The following CENPO variants were observed in gnomAD, a reference collection of about 807,000 sequenced individuals.
CENPO encodes the protein centromere protein O.
CENPO carries 30 observed loss-of-function variants against 36.1 expected under a neutral mutation model. The ratio of observed to expected loss-of-function variants is 0.83; its 90% CI spans 0.62 to 1.13. The LOEUF is 1.13. Ranked by LOEUF, CENPO falls within the 50% of genes most tolerant of loss-of-function variation. The probability of loss-of-function intolerance (pLI) is 0.00; values close to 1 mark genes in which losing one functional copy is unlikely to be tolerated. For synonymous variants in CENPO, 171 were observed against 142.3 expected (o/e 1.20, Z -1.44); for missense variants, 349 against 357.8 (o/e 0.98, Z 0.20).
At position 24,799,786 on chromosome 2, in the gene CENPO, A is replaced by G. The variant is rs1666080105; in HGVS notation, c.158A>G (p.His53Arg). Residue 53 changes from histidine to arginine, a missense_variant, in exon 3 of 8, where the codon CAT (histidine) becomes CGT (arginine). Transcript: ENST00000380834. ...GAAGGTGCTCTTGGAACCAAGATTC[A>G]TAAACTAAGGCGTCTGCGAGATGAG... is the stretch of plus-strand genomic sequence containing the variant. ...AQEGALGTKI[H>R]KLRRLRDELR... 6.2e-7 allele frequency: 1 copy of G among 1,614,048 alleles called. No homozygotes were observed.
chr2:24,799,411 C>T (rs974921109), intron 2 of CENPO, among the ~76,000 whole-genome samples: 12 of 152,164 alleles, frequency 7.9e-5, no homozygotes, highest in Non-Finnish European at 1.6e-4. Context: ...GCCTAATCAG[C>T]GTGTGATAGT....
In CENPO at chr2:24,810,571, C is replaced by T. The variant is rs1267855219; in HGVS notation, c.217-3805C>T. 2.8e-5 allele frequency among the ~76,000 whole-genome samples: 4 copies of T among 144,472 alleles called. No individual in the cohort carries two copies. In the East Asian group the frequency reaches 8.3e-4, roughly 30 times the overall value. 94.8% of individuals were successfully genotyped at this position (144,472 alleles called of 152,430 possible). ...CGCCCAGGCTGGAGTGCAATGGTGC[C>T]ATCTTGGCTCACTGGAACCTCTGCC... On this transcript the variant is annotated intron_variant, in intron 3 of 7. Coordinates refer to ENST00000380834, the MANE Select transcript of CENPO (RefSeq NM_001322101.2).
chr2:24,814,664 A>C, intron 4 of CENPO, 171 bp downstream of exon 4: 1 of 591,606 alleles, frequency 1.7e-6, no homozygotes, highest in Non-Finnish European at 3.0e-6. Context: ...CTGACGTGCT[A>C]TTTGTAGGCC....
intron 7 of CENPO, 90 bp from the exon 8 acceptor site, chr2:24,819,264 G>T (rs1174960389): frequency 6.5e-6 from 1 of 152,676 alleles, no homozygotes; most frequent in Middle Eastern, 3.2e-3. Context: ...TGTAGCAAGA[G>T]CTCAAAAGGC....
At chr2:24,806,236 CT>C (rs915110064) in intron 3 of CENPO, among the ~76,000 whole-genome samples, 11 of 152,224 alleles carry the variant, frequency 7.2e-5, no homozygotes, top group African/African-American at 2.7e-4. Context: ...CTTTCTTTGA[CT>C]AGGAAAGGGA....
intron 2 of CENPO, among the ~76,000 whole-genome samples, chr2:24,795,993 G>C (rs1181978582): frequency 2.0e-5 from 3 of 152,154 alleles, no homozygotes; most frequent in Non-Finnish European, 4.4e-5. Context: ...GGGTTTTTCT[G>C]TGGACATGAG....
chr2:24,805,066 T>G (rs1417483278), intron 3 of CENPO, among the ~76,000 whole-genome samples: 1 of 152,174 alleles, frequency 6.6e-6, no homozygotes, highest in African/African-American at 2.4e-5. Context: ...CTTGCTTCAT[T>G]TCATTCATTT....
rs1313651863 is a variant in CENPO at position 24,793,942 on chromosome 2, G to A, written c.23G>A (p.Arg8His). Reference sequence around the variant, plus strand: ...GAGATGGAGCAGGCGAACCCTTTACGTCCAGATGGCGAGTCCAAAGGAGGT... The same window carrying A: ...GAGATGGAGCAGGCGAACCCTTTACATCCAGATGGCGAGTCCAAAGGAGGT... MEQANPL[R>H]PDGESKGGVL... The change falls in exon 2 of 8, where the codon CGT becomes CAT. Residue 8 changes from arginine to histidine, a missense_variant. Physicochemically the swap from Arg to His is conservative, Grantham distance 29. Coordinates refer to ENST00000380834, the MANE Select transcript of CENPO (RefSeq NM_001322101.2). The A allele has an allele frequency of 1.9e-6, 3 of 1,614,058 alleles. No individual in the cohort carries two copies. In the African/African-American group the frequency reaches 4.0e-5, roughly 22 times the overall value.
At chr2:24,817,492 T>C (rs1386957368) in intron 6 of CENPO, among the ~76,000 whole-genome samples, 178 bp from the exon 7 acceptor site, 2 of 98,158 alleles carry the variant, frequency 2.0e-5, no homozygotes, top group South Asian at 3.1e-4. Flanking sequence ...ATGGGTCCAG[T>C]GGGTCCAGAA....
chr2:24,799,648 G>A (rs1233697749), intron 2 of CENPO, 27 bp from the exon 3 acceptor site: 2 of 1,558,478 alleles, frequency 1.3e-6, no homozygotes, highest in Non-Finnish European at 1.7e-6. Context: ...TCAGCTTCTT[G>A]TAAAATTCTC....
At chr2:24,804,311 A>G (rs1666285210) in intron 3 of CENPO, among the ~76,000 whole-genome samples, 1 of 151,934 alleles carries the variant, frequency 6.6e-6, no homozygotes, top group Non-Finnish European at 1.5e-5. Flanking sequence ...TAATTGGAGC[A>G]TTTAGTCTAT....
intron 2 of CENPO, among the ~76,000 whole-genome samples, chr2:24,796,583 T>G (rs985343979): frequency 1.3e-5 from 2 of 151,784 alleles, no homozygotes; most frequent in African/African-American, 4.8e-5. Context: ...GAAGCCGAGG[T>G]GGGAGGATCG....
rs771830047 is a variant in CENPO at position 24,820,814 on chromosome 2, G to A, written c.*1496G>A. 278 of 1,613,918 alleles carry A rather than the reference G, an allele frequency of 1.7e-4. No homozygotes were observed. The highest frequency in any genetic ancestry group is 2.2e-4 in the Non-Finnish European group (256 of 1,179,992). ...TGTCGTAGTGTGGTTTCCGGGCTCC[G>A]ATGACCCCAGCCAGAACCCCGCCTT... On this transcript the variant is annotated 3_prime_UTR_variant, in exon 8 of 8. Coordinates refer to ENST00000380834, the MANE Select transcript of CENPO (RefSeq NM_001322101.2).
chr2:24,811,431 C>T (rs987658661), intron 3 of CENPO, among the ~76,000 whole-genome samples: 1 of 150,676 alleles, frequency 6.6e-6, no homozygotes, highest in Non-Finnish European at 1.5e-5. Flanking sequence ...CAGATGCCCG[C>T]CACCACACCC....
chr2:24,809,050 G>A (rs1353133329), intron 3 of CENPO, among the ~76,000 whole-genome samples: 1 of 151,518 alleles, frequency 6.6e-6, no homozygotes, highest in Non-Finnish European at 1.5e-5. Context: ...CAGATTTCCT[G>A]TTTTTTCTTG....
intron 3 of CENPO, among the ~76,000 whole-genome samples, chr2:24,807,538 A>G (rs756226171): frequency 4.6e-5 from 7 of 152,112 alleles, no homozygotes; most frequent in Non-Finnish European, 1.0e-4. Context: ...TTCTACTGTG[A>G]TGACATTTGG....
chr2:24,803,271 A>G (rs968953622), intron 3 of CENPO, among the ~76,000 whole-genome samples: 22 of 151,578 alleles, frequency 1.5e-4, no homozygotes, highest in Admixed American at 3.9e-4. Flanking sequence ...GATCTTTTCA[A>G]AAAACCAGCT....
At chr2:24,803,788 A>C (rs1666258722) in intron 3 of CENPO, among the ~76,000 whole-genome samples, 2 of 152,140 alleles carry the variant, frequency 1.3e-5, no homozygotes, top group South Asian at 4.1e-4. Flanking sequence ...TGTGGTGCTG[A>C]AAAAAATGTA....
chr2:24,811,156 G>T (rs1036664091), intron 3 of CENPO, among the ~76,000 whole-genome samples: 1 of 151,978 alleles, frequency 6.6e-6, no homozygotes, highest in African/African-American at 2.4e-5. Flanking sequence ...TGTTGGCCAG[G>T]CTGGTCTTGA....
Sources: gnomAD v4.1 joint callset for allele counts (sites outside exome capture counted in the v4.1 genomes callset) on GRCh38, gnomAD v4.1.1 for gene constraint, MANE v1.5 for transcripts, NCBI Gene and HGNC (gene_info 2026-07-23, HGNC 2026-07-21) for gene names.